VPS13B: variants seen among roughly 807,000 people sequenced by gnomAD.
The protein encoded by VPS13B is vacuolar protein sorting 13 homolog B.
A neutral mutation model predicts 426.4 loss-of-function variants in VPS13B; 285 were observed. That is an observed-to-expected ratio of 0.67 (90% CI 0.61 to 0.74). VPS13B has a LOEUF of 0.74. Ranked by LOEUF, VPS13B falls within the 30% of genes least tolerant of loss-of-function variation. The pLI is 0.00. For synonymous variants in VPS13B, 1,676 were observed against 1,676.4 expected (o/e 1.00, Z 0.01); for missense variants, 4,537 against 4,782.6 (o/e 0.95, Z 1.51).
chr8:99,646,602 T>C (rs544447866), intron 34 of VPS13B, among the ~76,000 whole-genome samples: 9 of 152,298 alleles, frequency 5.9e-5, no homozygotes, highest in African/African-American at 1.9e-4. Context: ...CACATATGTA[T>C]GATTGTATGA....
chr8:99,463,670 A>G (rs1267478603), intron 23 of VPS13B, among the ~76,000 whole-genome samples: 5 of 152,122 alleles, frequency 3.3e-5, no homozygotes, highest in African/African-American at 1.2e-4. Context: ...CTTAGAATTA[A>G]TAAACACTTT....
At chr8:99,086,251 C>T (rs182639525) in intron 3 of VPS13B, among the ~76,000 whole-genome samples, 90 of 152,246 alleles carry the variant, frequency 5.9e-4, no homozygotes, top group Middle Eastern at 3.4e-3. Context: ...TTGATTGAAT[C>T]GGCTACTGAG....
intron 35 of VPS13B, among the ~76,000 whole-genome samples, chr8:99,676,530 G>C (rs1399637855): frequency 6.6e-6 from 1 of 151,880 alleles, no homozygotes; most frequent in African/African-American, 2.4e-5. Flanking sequence ...CTTCCTTCTA[G>C]TTCCCCCAAG....
intron 17 of VPS13B, among the ~76,000 whole-genome samples, chr8:99,246,263 T>C (rs1283941135): frequency 1.3e-5 from 2 of 152,220 alleles, no homozygotes. Context: ...ACCTGTTGTT[T>C]TGAAATCTCT....
chr8:99,649,826 A>G lies in VPS13B; in HGVS notation c.5908+7328A>G, dbSNP rs567361474. On this transcript the variant is annotated intron_variant, in intron 34 of 61. Coordinates refer to ENST00000357162, the MANE Select transcript of VPS13B (RefSeq NM_152564.5). The stretch of plus-strand genomic sequence containing the variant: ...GGATGTGTCCTTACCTTCACTGTGC[A>G]CCACAATATAGGGCTCACTCTCGAG... Among the ~76,000 whole-genome samples, 5 of 152,310 alleles carry G rather than the reference A, an allele frequency of 3.3e-5. No individual in the cohort carries two copies. In the South Asian group the frequency reaches 8.3e-4, roughly 25 times the overall value.
chr8:99,262,019 T>C (rs2132952324), intron 17 of VPS13B, among the ~76,000 whole-genome samples: 1 of 152,334 alleles, frequency 6.6e-6, no homozygotes, highest in African/African-American at 2.4e-5. Context: ...TGTTTGTCAG[T>C]AAATGCTTGT....
chr8:99,610,856 A>T (rs1827818427), intron 33 of VPS13B, among the ~76,000 whole-genome samples: 1 of 152,176 alleles, frequency 6.6e-6, no homozygotes. Flanking sequence ...TCTTATTCTA[A>T]TCTGGAAACC....
At chr8:99,351,819 G>C (rs1811910930) in intron 19 of VPS13B, among the ~76,000 whole-genome samples, 1 of 152,014 alleles carries the variant, frequency 6.6e-6, no homozygotes, top group African/African-American at 2.4e-5. Flanking sequence ...GTAAACCTTT[G>C]TTATGAGTTC....
intron 3 of VPS13B, among the ~76,000 whole-genome samples, chr8:99,044,137 G>T (rs1843099331): frequency 8.2e-6 from 1 of 121,928 alleles, no homozygotes; most frequent in African/African-American, 3.2e-5. Flanking sequence ...AGGCTGGAGT[G>T]CAGGGGCGCG....
chr8:99,741,501 C>A (rs1809722434), intron 39 of VPS13B, among the ~76,000 whole-genome samples: 1 of 152,152 alleles, frequency 6.6e-6, no homozygotes, highest in Admixed American at 6.5e-5. Flanking sequence ...AACTCTCCAC[C>A]CCAAATCAAC....
chr8:99,843,353 C>A (rs572256913), intron 54 of VPS13B, among the ~76,000 whole-genome samples: 11 of 152,010 alleles, frequency 7.2e-5, no homozygotes, highest in African/African-American at 2.4e-4. Context: ...TGATAACAAA[C>A]AGCTGAAAAA....
intron 30 of VPS13B, among the ~76,000 whole-genome samples, chr8:99,538,028 A>G (rs532036254): frequency 6.6e-6 from 1 of 152,328 alleles, no homozygotes; most frequent in Non-Finnish European, 1.5e-5. Flanking sequence ...TGCTAGTACT[A>G]GCATTACTGT....
intron 5 of VPS13B, among the ~76,000 whole-genome samples, chr8:99,104,462 A>G (rs1179950368): frequency 6.6e-6 from 1 of 152,146 alleles, no homozygotes; most frequent in Non-Finnish European, 1.5e-5. Flanking sequence ...AGCTTGGTGA[A>G]GGCAAGGCAA....
At chr8:99,696,448 G>A (rs915378117) in intron 35 of VPS13B, 4 of 367,504 alleles carry the variant, frequency 1.1e-5, no homozygotes, top group Admixed American at 3.7e-5. Flanking sequence ...CAGGCAAAGC[G>A]CAGGCAGTTT....
At chr8:99,113,689 CGAGTAGCT>C (rs1847497910) in intron 6 of VPS13B, among the ~76,000 whole-genome samples, 1 of 152,036 alleles carries the variant, frequency 6.6e-6, no homozygotes, top group South Asian at 2.1e-4. Flanking sequence ...CTCAGCTTCC[CGAGTAGCT>C]GGGATTACAG....
At chr8:99,532,392 G>A (rs1024073170) in intron 30 of VPS13B, among the ~76,000 whole-genome samples, 4 of 151,968 alleles carry the variant, frequency 2.6e-5, no homozygotes, top group Non-Finnish European at 5.9e-5. Context: ...AGTAATTTTG[G>A]CAAACTTTTG....
In VPS13B at chr8:99,481,728, A is replaced by G; in HGVS notation, c.3796A>G (p.Arg1266Gly). 2 of 1,614,058 alleles carry G rather than the reference A, an allele frequency of 1.2e-6. No individual in the cohort carries two copies. Among genetic ancestry groups the G allele is most frequent in the South Asian group, 1.1e-5 (1 of 91,082 alleles). Residue 1266 changes from arginine (R) to glycine (G), a missense_variant, in exon 25 of 62, where the codon AGA becomes GGA. This residue lies in a region of VPS13B where 4,311 missense variants were observed against 4,474.3 expected (regional missense o/e 0.96). Transcript: ENST00000357162. ...MAGPVPTSPV[R>G]SSIGTAPPDT... ...AGGGCCTGTTCCTACTTCTCCAGTT[A>G]GAAGCAGTATAGGCACAGCTCCTCC...
At position 99,556,637 on chromosome 8, in the gene VPS13B, T is replaced by C; in HGVS notation, c.4933T>C (p.Trp1645Arg). Residue 1645 changes from tryptophan (W) to arginine (R), a missense_variant, in exon 31 of 62, where the codon TGG becomes CGG. Trp to Arg is a moderately radical substitution (Grantham distance 101). Around this residue, in one of 2 missense-constraint regions of VPS13B, gnomAD observed 4,311 missense variants for 4,474.3 expected, o/e 0.96. Transcript: ENST00000357162. ...ERNSQNPALEWNMASSIRRHQ... is the reference protein window; with the variant it reads ...ERNSQNPALERNMASSIRRHQ... ...GAATTCTCAAAATCCAGCCCTTGAGTGGAATATGGCCAGCAGGTAGGAAAT... is the reference window on the plus strand; with the variant it reads ...GAATTCTCAAAATCCAGCCCTTGAGCGGAATATGGCCAGCAGGTAGGAAAT... 7 of 1,612,900 alleles carry C rather than the reference T, an allele frequency of 4.3e-6. No individual in the cohort carries two copies. The highest frequency in any genetic ancestry group is 5.9e-6 in the Non-Finnish European group (7 of 1,179,372).
chr8:99,553,390 T>G (rs1183263689), intron 30 of VPS13B, among the ~76,000 whole-genome samples: 1 of 152,268 alleles, frequency 6.6e-6, no homozygotes, highest in East Asian at 1.9e-4. Context: ...AACATTTATC[T>G]TTATCGTTTT....
Sources: allele counts gnomAD v4.1 joint callset (sites outside exome capture counted in the v4.1 genomes callset), GRCh38; gene constraint gnomAD v4.1.1; regional missense constraint gnomAD v4.1.1; transcripts MANE v1.5; gene names NCBI Gene and HGNC (gene_info 2026-07-23, HGNC 2026-07-21).